The following DNAH17 variants were observed in gnomAD, a reference collection of about 807,000 sequenced individuals.
DNAH17 encodes dynein axonemal heavy chain 17, also known as axonemal beta dynein heavy chain 17.
In DNAH17, 376 loss-of-function variants were observed where a neutral mutation model predicts 485.6. The observed-to-expected ratio is 0.77, with a 90% confidence interval of 0.71 to 0.84. DNAH17 has a LOEUF of 0.84. Among genes scored for constraint, DNAH17 ranks in the 40% least tolerant of loss-of-function variants. DNAH17 has a pLI of 0.00. For synonymous variants in DNAH17, 3,031 were observed against 2,405.9 expected (o/e 1.26, Z -7.60); for missense variants, 6,370 against 5,839.3 (o/e 1.09, Z -2.96).
At chr17:78,485,078 C>G (rs1306699702) in intron 47 of DNAH17, 45 bp from the exon 48 acceptor site, 1 of 1,555,850 alleles carries the variant, frequency 6.4e-7, no homozygotes, top group Non-Finnish European at 8.7e-7. Flanking sequence ...CCTCCTGAGC[C>G]AGAGCCTGTT....
chr17:78,456,661 C>A (rs1252600299), intron 62 of DNAH17, among the ~76,000 whole-genome samples: 3 of 152,224 alleles, frequency 2.0e-5, no homozygotes, highest in Non-Finnish European at 4.4e-5. Context: ...CACCACGGGT[C>A]TGAAAGTGTT....
chr17:78,552,743 A>T lies in DNAH17; in HGVS notation c.2241T>A (p.Asp747Glu), dbSNP rs771192181. The change falls in exon 15 of 81, where the codon GAT becomes GAA. Residue 747 changes from aspartate (D) to glutamate (E), a missense_variant. Transcript: ENST00000389840. The part of the protein sequence containing the change: ...LLIKSELEAI[D>E]VKLLSAETTL... Reference sequence around the variant, plus strand: ...TCGTTTCAGCGCTCAATAACTTGACATCAATTGCTTCCAGTTCTGACTTTA... The same window carrying T: ...TCGTTTCAGCGCTCAATAACTTGACTTCAATTGCTTCCAGTTCTGACTTTA... The T allele has an allele frequency of 1.2e-6, 2 of 1,613,872 alleles. No individual in the cohort carries two copies. The highest frequency in any genetic ancestry group is 1.7e-6 in the Non-Finnish European group (2 of 1,179,858).
chr17:78,542,124 C>CG (rs1489239143), intron 17 of DNAH17, among the ~76,000 whole-genome samples: 1 of 145,840 alleles, frequency 6.9e-6, no homozygotes, highest in Non-Finnish European at 1.5e-5. Flanking sequence ...ACCGCCCCCC[C>CG]CAAAAACTGC....
chr17:78,514,382 G>A (rs2090718599), intron 26 of DNAH17, among the ~76,000 whole-genome samples: 1 of 151,784 alleles, frequency 6.6e-6, no homozygotes, highest in Admixed American at 6.6e-5. Flanking sequence ...GTGGGTGCCT[G>A]TGGTCCCAGC....
At position 78,458,983 on chromosome 17, in the gene DNAH17, G is replaced by A. The variant is rs535763739; in HGVS notation, c.9861+18C>T. On this transcript the variant is annotated intron_variant, in intron 61 of 80. Transcript: ENST00000389840. ...CGGCTCTGGTGTTTCGCAGGGACGG[G>A]AGCGAGCCGGCACTTACGGCAATCT... is the stretch of plus-strand genomic sequence containing the variant. 1.2e-6 allele frequency: 2 copies of A among 1,613,428 alleles called. No individual in the cohort carries two copies. The highest frequency in any genetic ancestry group is 1.7e-5 in the Admixed American group (1 of 60,024).
chr17:78,438,698 C>T (rs1358092270), intron 73 of DNAH17, among the ~76,000 whole-genome samples: 3 of 151,728 alleles, frequency 2.0e-5, no homozygotes, highest in Non-Finnish European at 4.4e-5. Context: ...AGGGTTTCGC[C>T]ATGTTGGTCA....
chr17:78,564,291 T>G (rs1006133069), intron 11 of DNAH17, among the ~76,000 whole-genome samples: 11 of 152,082 alleles, frequency 7.2e-5, no homozygotes, highest in Admixed American at 4.6e-4. Flanking sequence ...TAGATGCAGG[T>G]GGCACAATCT....
chr17:78,561,359 C>T (rs977670954), intron 12 of DNAH17, among the ~76,000 whole-genome samples: 1 of 152,096 alleles, frequency 6.6e-6, no homozygotes, highest in African/African-American at 2.4e-5. Flanking sequence ...GCCGTCCCTG[C>T]GTCCACCGTG....
intron 55 of DNAH17, among the ~76,000 whole-genome samples, chr17:78,468,311 G>C (rs1018323481): frequency 1.3e-5 from 2 of 152,036 alleles, no homozygotes; most frequent in African/African-American, 4.8e-5. Context: ...TTTTATATCG[G>C]GCCCTTGAGC....
intron 67 of DNAH17, 139 bp from the exon 68 acceptor site, chr17:78,450,533 G>A (rs567379079): frequency 2.1e-5 from 30 of 1,422,508 alleles, no homozygotes; most frequent in Non-Finnish European, 2.8e-5. Flanking sequence ...CAGGATGGGA[G>A]CCCAGACCCC....
intron 75 of DNAH17, among the ~76,000 whole-genome samples, chr17:78,432,542 G>C (rs1302344528): frequency 1.3e-5 from 2 of 152,184 alleles, no homozygotes; most frequent in Non-Finnish European, 2.9e-5. Context: ...CAAGTTCCAG[G>C]CCCAGCCTTC....
chr17:78,502,109 G>C (rs2090317718), intron 33 of DNAH17: 2 of 550,440 alleles, frequency 3.6e-6, no homozygotes, highest in Middle Eastern at 2.7e-4. Flanking sequence ...TCAAGGCCAC[G>C]AGAGAGGGTG....
intron 61 of DNAH17, 62 bp from the exon 62 acceptor site, chr17:78,458,742 C>CG (rs1023550030): frequency 9.7e-6 from 14 of 1,439,730 alleles, no homozygotes; most frequent in Non-Finnish European, 9.8e-7. Flanking sequence ...CCCCCTGCAG[C>CG]GGCAGCAGGG....
rs186640628 is a variant in DNAH17, at chr17:78,468,607, G to T, written c.8778+10C>A. The T allele has an allele frequency of 5.1e-5, 82 of 1,609,286 alleles. No homozygotes were observed. The highest frequency in any genetic ancestry group is 1.0e-4 in the Admixed American group (6 of 59,548). On this transcript the variant is annotated intron_variant, in intron 55 of 80. Transcript: ENST00000389840. ...GGCTCTTGAGGCCCTGCCGAAGACG[G>T]GAGCCCCACCTTGAGCTGTCTGCGC...
rs374388075 is a variant in DNAH17 at position 78,574,686 on chromosome 17, C to T, written c.345+27G>A. ...CCGAGAAGTCGGTCGTGCTCGACAC[C>T]CCGGATGGCAGCCTGGACGCACTCA... is the stretch of plus-strand genomic sequence containing the variant. On this transcript the variant is annotated intron_variant, in intron 2 of 80. Transcript: ENST00000389840. The T allele has an allele frequency of 2.9e-4, 455 of 1,568,512 alleles. 2 individuals are homozygous for T. The African/African-American group carries it at 5.4e-3, about 19-fold the overall frequency.
intron 73 of DNAH17, among the ~76,000 whole-genome samples, 196 bp from the exon 74 acceptor site, chr17:78,438,064 G>A (rs540094526): frequency 1.3e-5 from 2 of 152,236 alleles, no homozygotes; most frequent in African/African-American, 2.4e-5. Context: ...TGTCTTCGGC[G>A]AAGCAACTGA....
chr17:78,472,246 G>A (rs1166183780), intron 54 of DNAH17, among the ~76,000 whole-genome samples: 1 of 147,778 alleles, frequency 6.8e-6, no homozygotes, highest in Non-Finnish European at 1.5e-5. Context: ...TATGGAGTAG[G>A]GGTGCGAGGG....
chr17:78,447,291 G>C (rs898903408), intron 69 of DNAH17, among the ~76,000 whole-genome samples: 1 of 152,244 alleles, frequency 6.6e-6, no homozygotes, highest in Admixed American at 6.5e-5. Context: ...AATGTGGACA[G>C]ATGCTGGACA....
chr17:78,445,990 G>C (rs1021591961), intron 69 of DNAH17, among the ~76,000 whole-genome samples: 1 of 151,984 alleles, frequency 6.6e-6, no homozygotes, highest in East Asian at 1.9e-4. Flanking sequence ...TGGCCAACAT[G>C]GTGAAACCCT....
Sources: gnomAD v4.1 joint callset for allele counts (sites outside exome capture counted in the v4.1 genomes callset) on GRCh38, gnomAD v4.1.1 for gene constraint, MANE v1.5 for transcripts, NCBI Gene and HGNC (gene_info 2026-07-23, HGNC 2026-07-21) for gene names.